CTNND2: variants seen among roughly 807,000 people sequenced by gnomAD.
The protein encoded by CTNND2 is catenin delta 2.
A neutral mutation model predicts 144.4 loss-of-function variants in CTNND2; 22 were observed. That is an observed-to-expected ratio of 0.15 (90% confidence interval 0.11 to 0.22). CTNND2 has a LOEUF of 0.22. Ranked by LOEUF, CTNND2 falls within the 10% of genes least tolerant of loss-of-function variation. The probability of loss-of-function intolerance (pLI) is 1.00; values close to 1 mark genes in which losing one functional copy is unlikely to be tolerated. For synonymous variants in CTNND2, 751 were observed against 695.6 expected (o/e 1.08, Z -1.25); for missense variants, 1,353 against 1,618.8 (o/e 0.84, Z 2.82).
intron 9 of CTNND2, among the ~76,000 whole-genome samples, chr5:11,287,423 A>C (rs777880851): frequency 6.6e-6 from 1 of 152,228 alleles, no homozygotes; most frequent in Non-Finnish European, 1.5e-5. Flanking sequence ...CCACTATTGC[A>C]GAGGCCAATT....
chr5:11,276,746 T>G (rs563575993), intron 9 of CTNND2, among the ~76,000 whole-genome samples: 8 of 152,304 alleles, frequency 5.3e-5, no homozygotes, highest in Admixed American at 1.3e-4. Context: ...CAAAATCCAA[T>G]GACTGGTGTC....
Position 10,988,576 on chromosome 5 carries a change from T to C in CTNND2, c.3212-334A>G, listed in dbSNP as rs1393502061. ...GTGTGGGGCAGTTTAGGAATGAGAC[T>C]GCTTTTGGTTTCTTCCTTTCTCTTC... On this transcript the variant is annotated intron_variant, in intron 19 of 21. Coordinates refer to ENST00000304623, the MANE Select transcript of CTNND2 (RefSeq NM_001332.4). The surrounding 1 kb of genome is among the most constrained non-coding windows in gnomAD (Gnocchi z 5.9). Among the ~76,000 whole-genome samples the C allele has an allele frequency of 1.3e-5, 2 of 152,180 alleles. No individual in the cohort carries two copies. The highest frequency in any genetic ancestry group is 4.8e-5 in the African/African-American group (2 of 41,452).
At chr5:11,810,667 T>C (rs548304270) in intron 1 of CTNND2, among the ~76,000 whole-genome samples, 1 of 152,306 alleles carries the variant, frequency 6.6e-6, no homozygotes, top group Non-Finnish European at 1.5e-5. Context: ...TTATAAGGCA[T>C]GATTGTAATT....
At chr5:11,438,681 A>C (rs1763987535) in intron 3 of CTNND2, among the ~76,000 whole-genome samples, 1 of 152,236 alleles carries the variant, frequency 6.6e-6, no homozygotes, top group Non-Finnish European at 1.5e-5. Context: ...GGACAAGATT[A>C]ACACGTTCTC....
At chr5:11,479,905 T>C (rs1228287794) in intron 3 of CTNND2, among the ~76,000 whole-genome samples, 3 of 152,212 alleles carry the variant, frequency 2.0e-5, no homozygotes, top group Non-Finnish European at 4.4e-5. Context: ...ATGTTGAATA[T>C]TGGATCTTTG....
chr5:11,759,987 A>T (rs1035412827), intron 1 of CTNND2, among the ~76,000 whole-genome samples: 1 of 150,334 alleles, frequency 6.7e-6, no homozygotes, highest in African/African-American at 2.4e-5. Flanking sequence ...TTCATTAATT[A>T]AAAAATCATT....
At chr5:11,697,796 C>T (rs112727349) in intron 2 of CTNND2, among the ~76,000 whole-genome samples, 7 of 152,232 alleles carry the variant, frequency 4.6e-5, no homozygotes, top group African/African-American at 1.7e-4. Flanking sequence ...GTCACTTAGG[C>T]GGGCAGTCAA....
intron 3 of CTNND2, among the ~76,000 whole-genome samples, chr5:11,469,349 T>C (rs1156245915): frequency 6.6e-6 from 1 of 152,214 alleles, no homozygotes; most frequent in Non-Finnish European, 1.5e-5. Context: ...AGGAAGAAGA[T>C]CAGCCAATAT....
intron 12 of CTNND2, among the ~76,000 whole-genome samples, chr5:11,152,890 T>A (rs1040666972): frequency 8.6e-5 from 13 of 151,878 alleles, no homozygotes; most frequent in South Asian, 6.2e-4. Flanking sequence ...GAAAATGGGG[T>A]GGAGTGGGGT....
At chr5:11,778,911 T>TA (rs1790396227) in intron 1 of CTNND2, among the ~76,000 whole-genome samples, 1 of 152,220 alleles carries the variant, frequency 6.6e-6, no homozygotes, top group South Asian at 2.1e-4. Context: ...TCTGAAAACT[T>TA]AAAACTTTTC....
chr5:11,511,841 A>G (rs1013190013), intron 3 of CTNND2, among the ~76,000 whole-genome samples: 8 of 152,156 alleles, frequency 5.3e-5, no homozygotes, highest in African/African-American at 1.7e-4. Context: ...ACAAACACGC[A>G]GCTCACTATT....
chr5:11,898,559 T>A (rs1386233046), intron 1 of CTNND2, among the ~76,000 whole-genome samples: 1 of 152,158 alleles, frequency 6.6e-6, no homozygotes, highest in African/African-American at 2.4e-5. Context: ...AATGATCCAA[T>A]TAATTGTTCC....
intron 2 of CTNND2, among the ~76,000 whole-genome samples, chr5:11,576,025 C>T (rs550906790): frequency 6.6e-6 from 1 of 152,126 alleles, no homozygotes; most frequent in Non-Finnish European, 1.5e-5. Context: ...TCTCACAGAA[C>T]GACAGCATCA....
intron 9 of CTNND2, among the ~76,000 whole-genome samples, chr5:11,265,600 G>A (rs541637853): frequency 2.0e-5 from 3 of 151,558 alleles, no homozygotes; most frequent in Non-Finnish European, 4.4e-5. Flanking sequence ...CTCTAGGAGC[G>A]TTTGACTGAG....
chr5:11,686,551 T>C (rs1784652210), intron 2 of CTNND2, among the ~76,000 whole-genome samples: 1 of 152,074 alleles, frequency 6.6e-6, no homozygotes, highest in African/African-American at 2.4e-5. Context: ...CTCCCAGAAG[T>C]ATGTGTGAGC....
At chr5:11,234,764 T>C (rs998848326) in intron 10 of CTNND2, among the ~76,000 whole-genome samples, 3 of 152,218 alleles carry the variant, frequency 2.0e-5, no homozygotes, top group Non-Finnish European at 4.4e-5. Context: ...CTCCTTGTAA[T>C]AGAGTCTGAC....
intron 3 of CTNND2, among the ~76,000 whole-genome samples, chr5:11,422,315 G>T (rs901484701): frequency 1.5e-4 from 23 of 152,130 alleles, no homozygotes; most frequent in Admixed American, 6.5e-4. Flanking sequence ...AATCAGTGTT[G>T]CTCAGGATGT....
At chr5:11,712,321 A>G (rs1410676815) in intron 2 of CTNND2, among the ~76,000 whole-genome samples, 1 of 152,100 alleles carries the variant, frequency 6.6e-6, no homozygotes, top group Non-Finnish European at 1.5e-5. Context: ...GCAAAGTGGT[A>G]GCTGATTTTT....
At chr5:11,047,520 T>C (rs927756367) in intron 16 of CTNND2, among the ~76,000 whole-genome samples, 1 of 152,160 alleles carries the variant, frequency 6.6e-6, no homozygotes, top group African/African-American at 2.4e-5. Context: ...TGGCTCCATG[T>C]CTACATACAC....
Sources: allele counts gnomAD v4.1 joint callset (sites outside exome capture counted in the v4.1 genomes callset), GRCh38; gene constraint gnomAD v4.1.1; non-coding constraint Gnocchi (gnomAD v3.1); transcripts MANE v1.5; gene names NCBI Gene and HGNC (gene_info 2026-07-23, HGNC 2026-07-21).